ZNF875: variants seen among roughly 807,000 people sequenced by gnomAD.
The protein encoded by ZNF875 is HKR1, GLI-Kruppel zinc finger family member.
ZNF875 carries 14 observed loss-of-function variants against 11.2 expected under a neutral mutation model. That is an observed-to-expected ratio of 1.26 (90% CI 0.83 to 1.96). The LOEUF (loss-of-function observed/expected upper bound fraction) is 1.96, where lower values mean the gene tolerates loss of function less well. Among genes scored for constraint, ZNF875 ranks in the 30% most tolerant of loss-of-function variants. ZNF875 has a pLI of 0.00. For synonymous variants in ZNF875, 301 were observed against 281.1 expected, an observed-to-expected ratio of 1.07 and a Z score of -0.71; for missense variants, 752 against 760.4, an observed-to-expected ratio of 0.99 and a Z score of 0.13.
At chr19:37,344,545 A>G (rs960850881) in intron 2 of ZNF875, 1 of 714,518 alleles carries the variant, frequency 1.4e-6, no homozygotes, top group Non-Finnish European at 2.5e-6. Context: ...TTTTGCTAGA[A>G]TCCTACGGTA....
chr19:37,317,766 C>A (rs1385566033), upstream of ZNF875: 1 of 152,286 alleles, frequency 6.6e-6, no homozygotes, highest in Non-Finnish European at 1.5e-5. Flanking sequence ...CTGAAAGCTC[C>A]GTCTATTTGA....
chr19:37,362,630 G>T lies in ZNF875; in HGVS notation c.778G>T (p.Gly260Ter). 1 of 1,613,512 alleles carries T rather than the reference G, an allele frequency of 6.2e-7. No individual in the cohort carries two copies. The highest frequency in any genetic ancestry group is 8.5e-7 in the Non-Finnish European group (1 of 1,179,730). ...GETPYMYTEWGDSFGSMSVLI... is the reference protein window; with the variant it reads ...GETPYMYTEW Reference sequence around the variant, plus strand: ...GACACCTTACATGTACACTGAGTGGGGAGACAGCTTTGGCAGTATGTCAGT... The same window carrying T: ...GACACCTTACATGTACACTGAGTGGTGAGACAGCTTTGGCAGTATGTCAGT... Residue 260 changes from glycine (G) to a stop codon, truncating the protein, a stop_gained, in exon 5 of 5, where the codon GGA becomes TGA. Coordinates refer to ENST00000392153, the MANE Select transcript of ZNF875 (RefSeq NM_001353803.2). LOFTEE classifies it low-confidence loss of function (END_TRUNC).
At chr19:37,314,824 G>T (rs1419658947), upstream of ZNF875, 1 of 150,952 alleles carries the variant, frequency 6.6e-6, no homozygotes, top group Non-Finnish European at 1.5e-5. Flanking sequence ...TAAAAATGTG[G>T]ACTAGACTCT....
At chr19:37,334,400 A>G (rs1463917107), upstream of ZNF875, among the ~76,000 whole-genome samples, 1 of 152,258 alleles carries the variant, frequency 6.6e-6, no homozygotes, top group Non-Finnish European at 1.5e-5. Context: ...ATCCTTCGGC[A>G]GTCCCGCGAT....
At chr19:37,348,604 C>T (rs1331524900) in intron 4 of ZNF875, among the ~76,000 whole-genome samples, 1 of 152,172 alleles carries the variant, frequency 6.6e-6, no homozygotes. Context: ...TGTAGCTCTG[C>T]TTCATTCATT....
At chr19:37,331,804 A>AC (rs1216514178), upstream of ZNF875, among the ~76,000 whole-genome samples, 6 of 126,532 alleles carry the variant, frequency 4.7e-5, 1 homozygote, top group African/African-American at 1.0e-4. Context: ...CCAGCCCGAC[A>AC]CCCCCAGCCC....
intron 2 of ZNF875, among the ~76,000 whole-genome samples, chr19:37,342,219 T>G (rs1299923712): frequency 6.6e-6 from 1 of 152,212 alleles, no homozygotes; most frequent in African/African-American, 2.4e-5. Context: ...AACTTTACTC[T>G]GAGTTTATTT....
At chr19:37,352,833 T>A (rs749008751) in intron 4 of ZNF875, among the ~76,000 whole-genome samples, 2 of 151,740 alleles carry the variant, frequency 1.3e-5, no homozygotes, top group Non-Finnish European at 2.9e-5. Flanking sequence ...AGCCTACTTT[T>A]GTTTTAATGT....
At chr19:37,313,707 A>G (rs929278356), upstream of ZNF875, among the ~76,000 whole-genome samples, 9 of 151,484 alleles carry the variant, frequency 5.9e-5, no homozygotes, top group African/African-American at 1.9e-4. Flanking sequence ...AAGAGAATAC[A>G]CTCATGGGAG....
At chr19:37,358,911 T>A (rs115679149) in intron 4 of ZNF875, among the ~76,000 whole-genome samples, 3,250 of 151,846 alleles carry the variant, frequency 0.021, 104 homozygotes, top group African/African-American at 0.071. Flanking sequence ...ATATATATTT[T>A]TTTTTTGAGA....
intron 4 of ZNF875, among the ~76,000 whole-genome samples, chr19:37,329,418 AAGGGTTTCCCACTAAATGGAG>A (rs1421435717): frequency 6.6e-6 from 1 of 152,112 alleles, no homozygotes; most frequent in Non-Finnish European, 1.5e-5. Context: ...GCGTGTTCTG[AAGGGTTTCCCACTAAATGGAG>A]AGACTGACTC....
Position 37,340,643 on chromosome 19 carries a change from A to C in ZNF875, c.33+5386A>C, listed in dbSNP as rs1450793208. On this transcript the variant is annotated intron_variant, in intron 2 of 4. Transcript: ENST00000392153. ...ACCACAGGGGAGTCATCTTATGTGTACTTTTTTTTTTTTTTTTTTTTTTGA... is the reference window on the plus strand; with the variant it reads ...ACCACAGGGGAGTCATCTTATGTGTCCTTTTTTTTTTTTTTTTTTTTTTGA... 3.6e-5 allele frequency among the ~76,000 whole-genome samples: 4 copies of C among 112,586 alleles called. No individual in the cohort carries two copies. In the South Asian group the frequency reaches 9.3e-4, roughly 26 times the overall value. 73.9% of individuals were successfully genotyped at this position (112,586 alleles called of 152,430 possible).
rs764963170 is a variant in ZNF875, at chr19:37,363,808, C to T, written c.*33C>T. On this transcript the variant is annotated 3_prime_UTR_variant, in exon 5 of 5. Coordinates refer to ENST00000392153, the MANE Select transcript of ZNF875 (RefSeq NM_001353803.2). Reference sequence around the variant, plus strand: ...ATGTGTATAGGGAATGTGGTACAGCCTTTAGCCAGGAGTCATACTTCATCA... The same window carrying T: ...ATGTGTATAGGGAATGTGGTACAGCTTTTAGCCAGGAGTCATACTTCATCA... 5.7e-6 allele frequency: 9 copies of T among 1,576,276 alleles called. No individual in the cohort carries two copies. The highest frequency in any genetic ancestry group is 1.7e-4 in the Middle Eastern group (1 of 5,966).
At chr19:37,318,596 A>C (rs1319649232) in intron 1 of ZNF875, among the ~76,000 whole-genome samples, 2 of 149,356 alleles carry the variant, frequency 1.3e-5, no homozygotes, top group South Asian at 2.1e-4. Context: ...ATCTCGAGTC[A>C]CTGCAAGCTC....
intron 4 of ZNF875, among the ~76,000 whole-genome samples, chr19:37,357,208 T>C (rs184795961): frequency 9.8e-4 from 149 of 152,344 alleles, no homozygotes; most frequent in African/African-American, 3.3e-3. Flanking sequence ...TACACCGTGC[T>C]GTTTCAGTTA....
upstream of ZNF875, among the ~76,000 whole-genome samples, chr19:37,313,593 A>G (rs960665934): frequency 2.0e-5 from 3 of 151,994 alleles, no homozygotes; most frequent in Non-Finnish European, 4.4e-5. Context: ...ACCACCTATC[A>G]CTAATCTACA....
upstream of ZNF875, chr19:37,317,820 G>A (rs2030341658): frequency 6.6e-6 from 1 of 152,538 alleles, no homozygotes; most frequent in South Asian, 2.1e-4. Context: ...CCTGGAAACA[G>A]ACTGTCCGCC....
chr19:37,347,964 T>C, intron 4 of ZNF875, 92 bp downstream of exon 4: 1 of 752,468 alleles, frequency 1.3e-6, no homozygotes, highest in Non-Finnish European at 2.3e-6. Context: ...GAAGCTCTTC[T>C]TCAGGCCTCC....
intron 4 of ZNF875, among the ~76,000 whole-genome samples, chr19:37,356,529 C>T (rs2038941367): frequency 6.6e-6 from 1 of 152,122 alleles, no homozygotes; most frequent in Non-Finnish European, 1.5e-5. Context: ...CCATCCTTCA[C>T]TGGTACCAAG....
Sources: gnomAD v4.1 joint callset for allele counts (sites outside exome capture counted in the v4.1 genomes callset) on GRCh38, gnomAD v4.1.1 for gene constraint, MANE v1.5 for transcripts, NCBI Gene and HGNC (gene_info 2026-07-23, HGNC 2026-07-21) for gene names.